Variants in OPCML observed in about 807,000 individuals in gnomAD.
The protein encoded by OPCML is opioid binding protein/cell adhesion molecule like, also known as opioid-binding protein/cell adhesion molecule.
In OPCML, 13 loss-of-function variants were observed where a neutral mutation model predicts 37.8. The ratio of observed to expected loss-of-function variants is 0.34; its 90% CI spans 0.22 to 0.55. The LOEUF is 0.55. Among genes scored for constraint, OPCML ranks in the 20% least tolerant of loss-of-function variants. The pLI, the probability that OPCML is intolerant of heterozygous loss-of-function variation, is 0.91. For synonymous variants in OPCML, 176 were observed against 168.8 expected, an observed-to-expected ratio of 1.04 and a Z score of -0.33; for missense variants, 341 against 435.6, an observed-to-expected ratio of 0.78 and a Z score of 1.93.
intron 2 of OPCML, among the ~76,000 whole-genome samples, chr11:132,892,782 C>A (rs1258723984): frequency 6.6e-6 from 1 of 151,974 alleles, no homozygotes; most frequent in Non-Finnish European, 1.5e-5. Flanking sequence ...GTAAAGTATT[C>A]TTTCCAATAA....
chr11:132,709,191 CAT>C (rs1377785621), intron 2 of OPCML, among the ~76,000 whole-genome samples: 4 of 152,164 alleles, frequency 2.6e-5, no homozygotes, highest in Admixed American at 2.0e-4. Flanking sequence ...CTAATGGAAA[CAT>C]GTCAGCATAC....
chr11:132,610,424 C>T lies in OPCML; in HGVS notation c.379+46663G>A, dbSNP rs534270479. ...AGCACAAACCTAAGCTTCCCATCTT[C>T]GTTGATGTCATCACTTACGACAAAA... On this transcript the variant is annotated intron_variant, in intron 3 of 7. Transcript: ENST00000524381. 7.2e-5 allele frequency among the ~76,000 whole-genome samples: 11 copies of T among 152,272 alleles called. 1 individual carries two copies. In the South Asian group the frequency reaches 1.9e-3, roughly 26 times the overall value.
intron 4 of OPCML, among the ~76,000 whole-genome samples, chr11:132,443,276 G>A (rs992356929): frequency 6.6e-6 from 1 of 152,192 alleles, no homozygotes. Context: ...AGCCACACAG[G>A]GAGGACAAGG....
chr11:132,720,278 C>G (rs1388992784), intron 2 of OPCML, among the ~76,000 whole-genome samples: 4 of 152,220 alleles, frequency 2.6e-5, no homozygotes, highest in Admixed American at 2.6e-4. Flanking sequence ...ACCCCAGGAG[C>G]TAGCCTGCCG....
chr11:132,834,288 T>C (rs1425875167), intron 2 of OPCML, among the ~76,000 whole-genome samples: 1 of 152,180 alleles, frequency 6.6e-6, no homozygotes, highest in Admixed American at 6.5e-5. Flanking sequence ...ATTTTACCAG[T>C]GCAATGACAT....
At chr11:133,158,226 G>C (rs550363771) in intron 1 of OPCML, among the ~76,000 whole-genome samples, 5 of 152,222 alleles carry the variant, frequency 3.3e-5, no homozygotes, top group Admixed American at 3.3e-4. Context: ...TTCCCGTACC[G>C]ATTCCTGAAA....
At chr11:133,226,419 T>C (rs906729934) in intron 1 of OPCML, among the ~76,000 whole-genome samples, 3 of 152,218 alleles carry the variant, frequency 2.0e-5, no homozygotes, top group African/African-American at 7.2e-5. Context: ...TGCTGATGGT[T>C]GTGATCCAAA....
intron 4 of OPCML, among the ~76,000 whole-genome samples, chr11:132,514,002 A>C (rs1474087765): frequency 6.6e-6 from 1 of 152,202 alleles, no homozygotes; most frequent in Non-Finnish European, 1.5e-5. Context: ...ATAAATAAAT[A>C]ATTGAAGGAA....
chr11:133,329,945 A>C (rs1392561938), intron 1 of OPCML, among the ~76,000 whole-genome samples: 1 of 152,220 alleles, frequency 6.6e-6, no homozygotes, highest in Non-Finnish European at 1.5e-5. Flanking sequence ...CTCATCTGAC[A>C]AAGGGCTAAT....
intron 1 of OPCML, among the ~76,000 whole-genome samples, chr11:133,127,170 T>C (rs1949530101): frequency 6.6e-6 from 1 of 152,194 alleles, no homozygotes; most frequent in South Asian, 2.1e-4. Flanking sequence ...GGCTTTGCCA[T>C]GTCCTGCAGT....
rs570695542 is a variant in OPCML, at chr11:132,653,457, G to A, written c.379+3630C>T. On this transcript the variant is annotated intron_variant, in intron 3 of 7. Transcript: ENST00000524381. ...GGCTGATTTTCCCCCCAACTAATCC[G>A]ACCCCACAGCTGAGCATCCCCCTTG... 5.3e-5 allele frequency among the ~76,000 whole-genome samples: 8 copies of A among 152,110 alleles called. No homozygotes were observed. In the South Asian group the frequency reaches 1.5e-3, roughly 28 times the overall value.
chr11:132,518,691 T>C (rs1591495628), intron 4 of OPCML, among the ~76,000 whole-genome samples: 1 of 152,144 alleles, frequency 6.6e-6, no homozygotes, highest in East Asian at 1.9e-4. Flanking sequence ...TATACCACAC[T>C]TTTTCCCATC....
chr11:132,657,946 C>T (rs1291304150), intron 2 of OPCML, among the ~76,000 whole-genome samples: 1 of 152,168 alleles, frequency 6.6e-6, no homozygotes, highest in East Asian at 1.9e-4. Context: ...TCAGCAGAAT[C>T]CCTGTTCCTC....
intron 1 of OPCML, among the ~76,000 whole-genome samples, chr11:133,058,775 G>A (rs1948287763): frequency 6.6e-6 from 1 of 152,234 alleles, no homozygotes; most frequent in Admixed American, 6.5e-5. Flanking sequence ...CAACTGCTGA[G>A]AGTCTATACA....
chr11:132,723,578 A>G (rs1027554632), intron 2 of OPCML, among the ~76,000 whole-genome samples: 1 of 152,202 alleles, frequency 6.6e-6, no homozygotes, highest in African/African-American at 2.4e-5. Flanking sequence ...GAAACGTATC[A>G]TAGAATAATG....
At chr11:132,874,205 A>G (rs1249334685) in intron 2 of OPCML, among the ~76,000 whole-genome samples, 2 of 152,132 alleles carry the variant, frequency 1.3e-5, no homozygotes, top group African/African-American at 4.8e-5. Flanking sequence ...TATTTTTGCT[A>G]TTATTATTAT....
intron 2 of OPCML, among the ~76,000 whole-genome samples, chr11:132,759,669 C>A (rs1946190937): frequency 6.6e-6 from 1 of 151,846 alleles, no homozygotes; most frequent in African/African-American, 2.4e-5. Flanking sequence ...TTTTTATTGT[C>A]TTTTTGATTC....
chr11:132,868,163 G>A (rs1942647158), intron 2 of OPCML, among the ~76,000 whole-genome samples: 1 of 152,108 alleles, frequency 6.6e-6, no homozygotes, highest in Non-Finnish European at 1.5e-5. Flanking sequence ...TGAAGAAACT[G>A]AGGCACCAAG....
At chr11:133,462,488 A>C (rs1946880434) in intron 1 of OPCML, among the ~76,000 whole-genome samples, 1 of 152,138 alleles carries the variant, frequency 6.6e-6, no homozygotes, top group African/African-American at 2.4e-5. Context: ...ACATCTCTAC[A>C]ATAAAAACCA....
Sources: allele counts gnomAD v4.1 joint callset (sites outside exome capture counted in the v4.1 genomes callset), GRCh38; gene constraint gnomAD v4.1.1; transcripts MANE v1.5; gene names NCBI Gene and HGNC (gene_info 2026-07-23, HGNC 2026-07-21).